The following KCTD1 variants were observed in gnomAD, a reference collection of about 807,000 sequenced individuals.
KCTD1 encodes BTB/POZ domain-containing protein KCTD1.
Under a neutral mutation model 66.0 loss-of-function variants are expected in KCTD1, and 24 were observed. The observed-to-expected ratio is 0.36, with a 90% confidence interval of 0.26 to 0.51. The LOEUF (loss-of-function observed/expected upper bound fraction) is 0.51, where lower values mean the gene tolerates loss of function less well. Ranked by LOEUF, KCTD1 falls within the 20% of genes least tolerant of loss-of-function variation. KCTD1 has a pLI of 0.95. For synonymous variants in KCTD1, 511 were observed against 517.2 expected, an observed-to-expected ratio of 0.99 and a Z score of 0.16; for missense variants, 943 against 1,205.2, an observed-to-expected ratio of 0.78 and a Z score of 3.22.
chr18:26,574,302 A>G (rs1986175305), intron 1 of KCTD1, among the ~76,000 whole-genome samples: 1 of 152,212 alleles, frequency 6.6e-6, no homozygotes, highest in African/African-American at 2.4e-5. Flanking sequence ...CTGATGTCAG[A>G]TATTTGTTCT....
At chr18:26,515,823 T>C (rs901786474) in intron 1 of KCTD1, among the ~76,000 whole-genome samples, 4 of 152,144 alleles carry the variant, frequency 2.6e-5, no homozygotes, top group African/African-American at 9.7e-5. Flanking sequence ...AACAGGCCTT[T>C]CATTTACCTG....
At chr18:26,578,057 C>CTTTTTTTTTTTTTTTTTTTTT (rs11381611) in intron 1 of KCTD1, among the ~76,000 whole-genome samples, 1 of 117,048 alleles carries the variant, frequency 8.5e-6, no homozygotes. Flanking sequence ...TCTTTTCTTT[C>CTTTTTTTTTTTTTTTTTTTTT]TTTTTTTTTT....
At chr18:26,594,455 CT>C (rs1986721011) in intron 1 of KCTD1, among the ~76,000 whole-genome samples, 1 of 152,140 alleles carries the variant, frequency 6.6e-6, no homozygotes, top group African/African-American at 2.4e-5. Flanking sequence ...CAAATTAAGT[CT>C]TTTAAAGTTA....
chr18:26,543,095 CAGT>C (rs1158034651), intron 1 of KCTD1: 1 of 152,206 alleles, frequency 6.6e-6, no homozygotes, highest in African/African-American at 2.4e-5. Context: ...AAAGCCAAAA[CAGT>C]AGGCGCTCAG....
intron 1 of KCTD1, among the ~76,000 whole-genome samples, chr18:26,584,398 G>C (rs536102464): frequency 6.6e-6 from 1 of 152,308 alleles, no homozygotes; most frequent in African/African-American, 2.4e-5. Context: ...TAAACAAAAT[G>C]TATTAATAAA....
chr18:26,494,275 G>A (rs1039685135), intron 2 of KCTD1, among the ~76,000 whole-genome samples: 2 of 152,280 alleles, frequency 1.3e-5, no homozygotes, highest in Non-Finnish European at 2.9e-5. Context: ...GGAAGCTGAG[G>A]TGGGAGGATC....
intron 1 of KCTD1, among the ~76,000 whole-genome samples, chr18:26,505,224 T>C (rs1982970909): frequency 6.6e-6 from 1 of 152,260 alleles, no homozygotes. Flanking sequence ...AGCAGAGCCT[T>C]CTGTCGTTCA....
At position 26,548,438 on chromosome 18, in the gene KCTD1, C is replaced by A; in HGVS notation, c.99G>T (p.Glu33Asp). 1 of 1,378,070 alleles carries A rather than the reference C, an allele frequency of 7.3e-7. No homozygotes were observed. Among genetic ancestry groups the A allele is most frequent in the East Asian group, 3.0e-5 (1 of 33,022 alleles). The allele number at this position is 1,378,070 out of a possible 1,614,324, so 85.4% of individuals were successfully genotyped here. A position where few individuals can be genotyped will look rare whatever the true frequency, so the allele number is the denominator to read the frequency against. Reference protein sequence around the residue: ...AAAENNGERGEGERGAGGRGR... With the variant: ...AAAENNGERGDGERGAGGRGR... ...CGCGGCCCCCCGCGCCGCGCTCGCC[C>A]TCGCCCCGCTCCCCATTGTTCTCGG... The change falls in exon 1 of 5, where the codon GAG becomes GAT. Residue 33 changes from glutamate to aspartate, a missense_variant. Physicochemically the swap from Glu to Asp is conservative, Grantham distance 45. Transcript: ENST00000580059.
chr18:26,575,158 T>A (rs2144906287), intron 1 of KCTD1: 1 of 152,176 alleles, frequency 6.6e-6, no homozygotes, highest in East Asian at 1.9e-4. Context: ...CACCCGAATC[T>A]CAGCAATGGA....
intron 1 of KCTD1, among the ~76,000 whole-genome samples, chr18:26,578,558 A>G (rs1305550209): frequency 3.3e-5 from 5 of 152,140 alleles, no homozygotes; most frequent in Admixed American, 3.3e-4. Context: ...TTGGTGTTCC[A>G]TCAGTTTTGC....
chr18:26,482,716 C>T, intron 2 of KCTD1, among the ~76,000 whole-genome samples: 1 of 152,156 alleles, frequency 6.6e-6, no homozygotes, highest in East Asian at 1.9e-4. Flanking sequence ...CTGGCTTTAC[C>T]GAGAGGCCAG....
intron 1 of KCTD1, among the ~76,000 whole-genome samples, chr18:26,615,351 A>G (rs1987226993): frequency 6.6e-6 from 1 of 152,180 alleles, no homozygotes; most frequent in African/African-American, 2.4e-5. Flanking sequence ...GCTACTGGAG[A>G]AAAACAGCAT....
At chr18:26,487,131 C>T (rs750343606) in intron 2 of KCTD1, among the ~76,000 whole-genome samples, 6 of 152,194 alleles carry the variant, frequency 3.9e-5, no homozygotes, top group African/African-American at 9.6e-5. Flanking sequence ...TATCAGTCAA[C>T]GGAATATCTC....
At position 26,582,026 on chromosome 18, in the gene KCTD1, G is replaced by A. The variant is rs1300791661; in HGVS notation, c.-16+47121C>T. Among the ~76,000 whole-genome samples the A allele has an allele frequency of 2.6e-5, 4 of 151,586 alleles. No homozygotes were observed. In the East Asian group the frequency reaches 7.7e-4, roughly 29 times the overall value. On this transcript the variant is annotated intron_variant, in intron 1 of 4. Coordinates refer to the KCTD1 transcript ENST00000317932. ...CTCATGCCTGTAATCCCAGCACTTT[G>A]GAACGCTGAGGTGGGTAAGTCGCGT...
At chr18:26,609,049 G>A (rs891963260) in intron 1 of KCTD1, among the ~76,000 whole-genome samples, 1 of 152,148 alleles carries the variant, frequency 6.6e-6, no homozygotes, top group Non-Finnish European at 1.5e-5. Context: ...GGCTGCAGAG[G>A]ACGATGTCAA....
chr18:26,543,094 A>T (rs1985050331), intron 1 of KCTD1: 1 of 152,344 alleles, frequency 6.6e-6, no homozygotes, highest in African/African-American at 2.4e-5. Context: ...AAAAGCCAAA[A>T]CAGTAGGCGC....
chr18:26,551,000 C>T (rs1985545579), upstream of KCTD1, among the ~76,000 whole-genome samples: 1 of 152,334 alleles, frequency 6.6e-6, no homozygotes, highest in South Asian at 2.1e-4. The surrounding 1 kb of genome is among the most constrained non-coding windows in gnomAD (Gnocchi z 5.4). Context: ...GCGCTCCTGG[C>T]TTGGCAGGGG....
chr18:26,556,953 G>C (rs9959300), intron 1 of KCTD1, among the ~76,000 whole-genome samples: 64,283 of 152,006 alleles, frequency 0.42, 14,141 homozygotes, highest in Non-Finnish European at 0.5. Context: ...TTGAAAATCT[G>C]TAATTCAAAC....
At chr18:26,498,708 C>A (rs1982605059) in intron 2 of KCTD1, among the ~76,000 whole-genome samples, 1 of 151,806 alleles carries the variant, frequency 6.6e-6, no homozygotes. Context: ...TACTGTATGA[C>A]ACAGCGCAGG....
Sources: gnomAD v4.1 joint callset for allele counts (sites outside exome capture counted in the v4.1 genomes callset) on GRCh38, gnomAD v4.1.1 for gene constraint, Gnocchi (gnomAD v3.1) non-coding constraint, MANE v1.5 for transcripts, NCBI Gene and HGNC (gene_info 2026-07-23, HGNC 2026-07-21) for gene names.